Variants in PIK3R3 observed in about 807,000 individuals in gnomAD.
PIK3R3 encodes the protein phosphatidylinositol 3-kinase regulatory subunit gamma.
A neutral mutation model predicts 62.9 loss-of-function variants in PIK3R3; 64 were observed. The ratio of observed to expected loss-of-function variants is 1.02; its 90% CI spans 0.83 to 1.25. PIK3R3 has a LOEUF of 1.25. Ranked by LOEUF, PIK3R3 falls within the 50% of genes most tolerant of loss-of-function variation. PIK3R3 has a pLI of 0.00. For synonymous variants in PIK3R3, 165 were observed against 189.0 expected, an observed-to-expected ratio of 0.87 and a Z score of 1.04; for missense variants, 614 against 561.6, an observed-to-expected ratio of 1.09 and a Z score of -0.94.
chr1:46,172,350 G>A, the PIK3R3 span, among the ~76,000 whole-genome samples: 5 of 152,248 alleles, frequency 3.3e-5, no homozygotes, highest in East Asian at 7.7e-4. Context: ...GGTGGTAGGG[G>A]GCAAGCAGTA....
chr1:46,045,622 T>TG (rs1647091751), intron 9 of PIK3R3, among the ~76,000 whole-genome samples: 1 of 122,920 alleles, frequency 8.1e-6, no homozygotes. Flanking sequence ...AAGTGCTTTT[T>TG]TTTTTTTTTT....
chr1:46,104,925 CAAAAAAA>C (rs757829828), intron 1 of PIK3R3: 607 of 195,570 alleles, frequency 3.1e-3, no homozygotes, highest in African/African-American at 0.023. Context: ...AAGACTCCAT[CAAAAAAA>C]AAAAAAAAAA....
chr1:46,056,082 G>A (rs796365801), intron 6 of PIK3R3, 111 bp from the exon 7 acceptor site: 100 of 650,452 alleles, frequency 1.5e-4, no homozygotes, highest in African/African-American at 6.7e-4. Context: ...ATTGAGTCTC[G>A]CTCTGTCACC....
chr1:46,149,463 T>C, the PIK3R3 span, among the ~76,000 whole-genome samples: 2 of 145,784 alleles, frequency 1.4e-5, no homozygotes, highest in Non-Finnish European at 3.0e-5. Context: ...AGCAGTGCCA[T>C]AACAGTTTAT....
the PIK3R3 span, among the ~76,000 whole-genome samples, chr1:46,169,086 C>G: frequency 6.6e-6 from 1 of 152,206 alleles, no homozygotes; most frequent in Non-Finnish European, 1.5e-5. Context: ...CTCACTGCCT[C>G]TCAGGGCTGC....
intron 1 of PIK3R3, among the ~76,000 whole-genome samples, chr1:46,101,980 C>CTTTTTTTT (rs538688681): frequency 4.4e-4 from 40 of 89,940 alleles, no homozygotes; most frequent in Non-Finnish European, 5.9e-4. Flanking sequence ...GAATTGTATA[C>CTTTTTTTT]TTTTTTTTTT....
At chr1:46,047,583 G>A (rs1052045453) in intron 7 of PIK3R3, among the ~76,000 whole-genome samples, 3 of 152,122 alleles carry the variant, frequency 2.0e-5, no homozygotes, top group African/African-American at 4.8e-5. Context: ...GGAGTGGAAA[G>A]CATCTTCGTT....
intron 2 of PIK3R3, among the ~76,000 whole-genome samples, chr1:46,077,938 G>GA (rs1480615962): frequency 6.6e-6 from 1 of 152,058 alleles, no homozygotes. Context: ...AAAGTTTCAG[G>GA]AAAAAAACAG....
chr1:46,110,894 AG>A (rs1295802495), intron 1 of PIK3R3, among the ~76,000 whole-genome samples: 1 of 151,452 alleles, frequency 6.6e-6, no homozygotes, highest in Non-Finnish European at 1.5e-5. Context: ...ATTTTCCCAT[AG>A]AAAAAGTTGA....
intron 6 of PIK3R3, chr1:46,056,695 TATACTGTCACTTCACCGGCA>T (rs1647951991): frequency 6.6e-6 from 1 of 152,254 alleles, no homozygotes; most frequent in Non-Finnish European, 1.5e-5. Context: ...TCCCAGCAGC[TATACTGTCACTTCACCGGCA>T]ATGCCTGCCT....
At chr1:46,160,743 C>G in the PIK3R3 span, among the ~76,000 whole-genome samples, 1 of 152,214 alleles carries the variant, frequency 6.6e-6, no homozygotes, top group African/African-American at 2.4e-5. Context: ...CTCATTGCCC[C>G]ACTTGGGTGA....
At chr1:46,125,906 G>T (rs1006516331) in intron 1 of PIK3R3, among the ~76,000 whole-genome samples, 3 of 151,934 alleles carry the variant, frequency 2.0e-5, no homozygotes, top group African/African-American at 7.2e-5. Context: ...GACTACAGGC[G>T]CCCGCCACCA....
intron 3 of PIK3R3, among the ~76,000 whole-genome samples, chr1:46,069,036 T>G (rs1258743177): frequency 6.6e-6 from 1 of 152,166 alleles, no homozygotes; most frequent in African/African-American, 2.4e-5. Flanking sequence ...TGGATGAGGG[T>G]AGCAGTAGTA....
Position 46,046,600 on chromosome 1 carries a change from G to A in PIK3R3, c.967C>T (p.Gln323Ter), listed in dbSNP as rs1190002734. The A allele has an allele frequency of 2.5e-6, 4 of 1,613,358 alleles. No individual in the cohort carries two copies. Among genetic ancestry groups the A allele is most frequent in the Non-Finnish European group, 3.4e-6 (4 of 1,179,452 alleles). ...LVWLNHKGVR[Q>*]KRLNVWLGIK... ...CCCAGCCAGACATTCAGGCGTTTCT[G>A]TCTCACTCCTTTGTGATTGAGCCAT... is the stretch of plus-strand genomic sequence containing the variant. Residue 323 changes from glutamine to a stop codon, truncating the protein, a stop_gained, in exon 8 of 10, where the codon CAG becomes TAG. Coordinates refer to ENST00000262741, the MANE Select transcript of PIK3R3 (RefSeq NM_003629.4). LOFTEE classifies it high-confidence loss of function.
rs1647018348 is a variant in PIK3R3, at chr1:46,042,701, CCTTTT to C, written c.*967_*971del. ...AGCCATCTAAAAGCACTGCATTGCACCTTTTCTTTACTCATACAAACAAGTTACAA... is the reference window on the plus strand; with the variant it reads ...AGCCATCTAAAAGCACTGCATTGCACCTTTACTCATACAAACAAGTTACAA... On this transcript the variant is annotated 3_prime_UTR_variant, in exon 10 of 10. Coordinates refer to ENST00000262741, the MANE Select transcript of PIK3R3 (RefSeq NM_003629.4). This position sits in a 1 kb window ranked among gnomAD's most constrained non-coding sequence, Gnocchi z 4.3. The C allele has an allele frequency of 4.7e-6, 1 of 213,312 alleles. No individual in the cohort carries two copies. Among genetic ancestry groups the C allele is most frequent in the African/African-American group, 2.3e-5 (1 of 44,234 alleles). 13.2% of individuals were successfully genotyped at this position (213,312 alleles called of 1,614,324 possible).
intron 2 of PIK3R3, among the ~76,000 whole-genome samples, chr1:46,078,398 G>A (rs771045139): frequency 4.6e-5 from 7 of 152,130 alleles, no homozygotes; most frequent in Non-Finnish European, 8.8e-5. Context: ...TTAGCCGGAC[G>A]TGGTGGCAGG....
At chr1:46,160,461 T>G in the PIK3R3 span, among the ~76,000 whole-genome samples, 1 of 152,226 alleles carries the variant, frequency 6.6e-6, no homozygotes, top group African/African-American at 2.4e-5. Context: ...TAGCTCAAAC[T>G]GTCTTTTTAA....
intron 1 of PIK3R3, among the ~76,000 whole-genome samples, chr1:46,126,790 A>C (rs1002254883): frequency 6.6e-6 from 1 of 151,660 alleles, no homozygotes; most frequent in African/African-American, 2.4e-5. Context: ...AGCCATATGT[A>C]TAATGCTTTA....
chr1:46,110,943 T>C (rs529989941), intron 1 of PIK3R3, among the ~76,000 whole-genome samples: 2 of 152,166 alleles, frequency 1.3e-5, no homozygotes, highest in Admixed American at 6.5e-5. Flanking sequence ...CACTCACACT[T>C]GCTACATTGC....
Sources: gnomAD v4.1 joint callset for allele counts (sites outside exome capture counted in the v4.1 genomes callset) on GRCh38, gnomAD v4.1.1 for gene constraint, Gnocchi (gnomAD v3.1) non-coding constraint, MANE v1.5 for transcripts, NCBI Gene and HGNC (gene_info 2026-07-23, HGNC 2026-07-21) for gene names.